PDS5A: variants seen among roughly 807,000 people sequenced by gnomAD.
The protein encoded by PDS5A is sister chromatid cohesion protein PDS5 homolog A.
PDS5A carries 42 observed loss-of-function variants against 167.1 expected under a neutral mutation model. The ratio of observed to expected loss-of-function variants is 0.25; its 90% CI spans 0.20 to 0.33. The LOEUF (loss-of-function observed/expected upper bound fraction) is 0.33. Among genes scored for constraint, PDS5A ranks in the 10% least tolerant of loss-of-function variants. The pLI, the probability that PDS5A is intolerant of heterozygous loss-of-function variation, is 1.00. For missense variants in PDS5A, 1,033 were observed against 1,605.9 expected, an observed-to-expected ratio of 0.64 and a Z score of 6.10; for synonymous variants, 553 against 554.6, an observed-to-expected ratio of 1.00 and a Z score of 0.04.
chr4:39,933,003 A>T (rs1360769785), intron 2 of PDS5A: 3 of 152,398 alleles, frequency 2.0e-5, no homozygotes, highest in Non-Finnish European at 2.9e-5. Context: ...CCCTGCCTCA[A>T]TCAAAAATAC....
intron 17 of PDS5A, among the ~76,000 whole-genome samples, chr4:39,885,244 C>CT (rs147631329): frequency 1.2e-5 from 1 of 80,552 alleles, no homozygotes; most frequent in African/African-American, 4.3e-5. Flanking sequence ...AAGATTCCTT[C>CT]TTAAAAAAAA....
At chr4:39,915,323 G>A (rs1218882490) in intron 8 of PDS5A, among the ~76,000 whole-genome samples, 1 of 147,646 alleles carries the variant, frequency 6.8e-6, no homozygotes, top group Non-Finnish European at 1.5e-5. Context: ...ATATGGACAT[G>A]AGGTACCACA....
Position 39,863,469 on chromosome 4 carries a change from A to G in PDS5A, c.2643-10T>C. 1 of 1,573,436 alleles carries G rather than the reference A, an allele frequency of 6.4e-7. No homozygotes were observed. Among genetic ancestry groups the G allele is most frequent in the Non-Finnish European group, 8.6e-7 (1 of 1,161,134 alleles). On this transcript the variant is annotated splice_polypyrimidine_tract_variant and intron_variant, in intron 23 of 32. Transcript: ENST00000303538. ...AGACATATCAGATTTACTATAAACAAACAAAAAAGAAATAAACATTTCCTA... is the reference window on the plus strand; with the variant it reads ...AGACATATCAGATTTACTATAAACAGACAAAAAAGAAATAAACATTTCCTA...
At chr4:39,895,143 A>G (rs909636271) in intron 16 of PDS5A, among the ~76,000 whole-genome samples, 3 of 142,884 alleles carry the variant, frequency 2.1e-5, no homozygotes, top group Non-Finnish European at 4.5e-5. Context: ...AAGAGAACGC[A>G]GTGAGCCAAG....
chr4:39,835,458 G>A (rs1482850325), intron 32 of PDS5A, among the ~76,000 whole-genome samples: 1 of 152,200 alleles, frequency 6.6e-6, no homozygotes. Context: ...TTACAATGCT[G>A]TATATGAGAG....
chr4:39,951,458 G>A (rs1487481554), intron 2 of PDS5A, among the ~76,000 whole-genome samples: 1 of 152,160 alleles, frequency 6.6e-6, no homozygotes, highest in African/African-American at 2.4e-5. Flanking sequence ...GGAAACTACT[G>A]TTACTTGCAC....
chr4:39,861,217 T>C (rs973749655), intron 26 of PDS5A, among the ~76,000 whole-genome samples: 1 of 151,774 alleles, frequency 6.6e-6, no homozygotes, highest in Non-Finnish European at 1.5e-5. Flanking sequence ...TCCCAGCACT[T>C]GGGGAGGCTG....
rs140210197 is a variant in PDS5A, at chr4:39,957,743, T to C, written c.138+18697A>G. On this transcript the variant is annotated intron_variant, in intron 2 of 32. Transcript: ENST00000303538. ...CAGAGCTTGCAGTGAGCTGAGACTG[T>C]ACCACTGCACTCCAGCCTGGGCGAC... is the stretch of plus-strand genomic sequence containing the variant. Among the ~76,000 whole-genome samples the C allele has an allele frequency of 5.0e-3, 672 of 133,250 alleles. 8 individuals are homozygous for C. The highest frequency in any genetic ancestry group is 0.018 in the African/African-American group (634 of 34,590). 87.4% of individuals were successfully genotyped at this position (133,250 alleles called of 152,430 possible). A position where few individuals can be genotyped will look rare whatever the true frequency, so the allele number is the denominator to read the frequency against.
intron 2 of PDS5A, among the ~76,000 whole-genome samples, chr4:39,959,485 G>C (rs1223992297): frequency 6.6e-6 from 1 of 151,926 alleles, no homozygotes; most frequent in Non-Finnish European, 1.5e-5. Flanking sequence ...TGAGTAGCTG[G>C]GACTACAGGT....
intron 32 of PDS5A, among the ~76,000 whole-genome samples, chr4:39,828,571 GATGAA>G (rs1715526379): frequency 6.6e-6 from 1 of 152,230 alleles, no homozygotes; most frequent in Admixed American, 6.5e-5. Context: ...AAGAGCTGAA[GATGAA>G]ATGAAGTTAA....
chr4:39,941,118 C>G (rs566625461), intron 2 of PDS5A, among the ~76,000 whole-genome samples: 1 of 152,286 alleles, frequency 6.6e-6, no homozygotes, highest in Non-Finnish European at 1.5e-5. Flanking sequence ...CGTAGTTTTA[C>G]TTTTCTCCAA....
chr4:39,885,303 A>C (rs1316776850), intron 17 of PDS5A, among the ~76,000 whole-genome samples: 3 of 146,114 alleles, frequency 2.1e-5, no homozygotes, highest in African/African-American at 7.4e-5. Flanking sequence ...GGAGAAGAGA[A>C]GAGAAGAGAA....
intron 2 of PDS5A, among the ~76,000 whole-genome samples, chr4:39,954,640 A>T (rs1209740151): frequency 4.0e-5 from 6 of 149,966 alleles, no homozygotes; most frequent in Non-Finnish European, 8.9e-5. Context: ...TTGTCAAGAC[A>T]TAAATAAGTA....
Position 39,922,761 on chromosome 4 carries a change from A to G in PDS5A, c.528-13T>C. The G allele has an allele frequency of 1.4e-6, 2 of 1,478,310 alleles. No individual in the cohort carries two copies. Among genetic ancestry groups the G allele is most frequent in the Non-Finnish European group, 1.8e-6 (2 of 1,113,658 alleles). 91.6% of individuals were successfully genotyped at this position (1,478,310 alleles called of 1,614,324 possible). ...ATTGTGGCTATTGCTATAAAAAAAA[A>G]AAAAAAAGAATAAGTAGTAGGAGGA... On this transcript the variant is annotated splice_polypyrimidine_tract_variant and intron_variant, in intron 5 of 32. Transcript: ENST00000303538.
Position 39,904,130 on chromosome 4 carries a change from T to C in PDS5A, c.1295A>G (p.His432Arg). The change falls in exon 12 of 33, where the codon CAT becomes CGT. Residue 432 changes from histidine to arginine, a missense_variant. Around this residue, in one of 4 missense-constraint regions of PDS5A, gnomAD observed 388 missense variants for 615.1 expected, o/e 0.63. Transcript: ENST00000303538. ...LAQLYKKYCLHGEAGKEAAEK... is the reference protein window; with the variant it reads ...LAQLYKKYCLRGEAGKEAAEK... ...TGCAGCTTCCTTTCCTGCTTCACCA[T>C]GAAGACAGTATTTCTTATAAAGCTG... 1.2e-6 allele frequency: 2 copies of C among 1,612,118 alleles called. No individual in the cohort carries two copies. Among genetic ancestry groups the C allele is most frequent in the Non-Finnish European group, 1.7e-6 (2 of 1,178,502 alleles).
intron 13 of PDS5A, among the ~76,000 whole-genome samples, chr4:39,901,973 A>T (rs1286687772): frequency 6.6e-6 from 1 of 152,216 alleles, no homozygotes; most frequent in Non-Finnish European, 1.5e-5. Flanking sequence ...ACCATTAATC[A>T]TATGGCCATC....
intron 2 of PDS5A, among the ~76,000 whole-genome samples, chr4:39,939,792 G>A (rs1480725819): frequency 6.6e-6 from 1 of 151,854 alleles, no homozygotes; most frequent in Admixed American, 6.6e-5. Context: ...GCAAGACTTC[G>A]TTTCCAAAAA....
intron 21 of PDS5A, among the ~76,000 whole-genome samples, chr4:39,871,388 G>A (rs1482051564): frequency 6.6e-6 from 1 of 152,058 alleles, no homozygotes. Flanking sequence ...CACATCTATC[G>A]AAAGTAAAAA....
At chr4:39,972,050 G>C (rs1265744727) in intron 2 of PDS5A, among the ~76,000 whole-genome samples, 1 of 152,134 alleles carries the variant, frequency 6.6e-6, no homozygotes, top group Middle Eastern at 3.2e-3. Flanking sequence ...TGGTTGATAT[G>C]AACGTCGATT....
Sources: gnomAD v4.1 joint callset for allele counts (sites outside exome capture counted in the v4.1 genomes callset) on GRCh38, gnomAD v4.1.1 for gene constraint, gnomAD v4.1.1 regional missense constraint, MANE v1.5 for transcripts, NCBI Gene and HGNC (gene_info 2026-07-23, HGNC 2026-07-21) for gene names.